CUL5: variants seen among roughly 807,000 people sequenced by gnomAD.
The protein encoded by CUL5 is cullin-5.
A neutral mutation model predicts 108.8 loss-of-function variants in CUL5; 26 were observed. That is an observed-to-expected ratio of 0.24 (90% CI 0.18 to 0.33). The LOEUF is 0.33. CUL5 is among the 10% of genes least tolerant of loss of function. The pLI is 1.00. For synonymous variants in CUL5, 334 were observed against 298.0 expected (o/e 1.12, Z -1.25); for missense variants, 524 against 909.2 (o/e 0.58, Z 5.45).
intron 2 of CUL5, among the ~76,000 whole-genome samples, chr11:108,037,937 C>G (rs1268571499): frequency 5.3e-5 from 8 of 152,160 alleles, no homozygotes; most frequent in Admixed American, 2.6e-4. Flanking sequence ...AATGCTGTAT[C>G]AATGAATTAT....
intron 18 of CUL5, among the ~76,000 whole-genome samples, chr11:108,101,846 G>A (rs1332836851): frequency 6.6e-6 from 1 of 152,060 alleles, no homozygotes; most frequent in Non-Finnish European, 1.5e-5. Flanking sequence ...TTTCCTCTGG[G>A]TTCCTGTAAT....
chr11:108,072,285 T>TA, intron 8 of CUL5, 47 bp from the exon 9 acceptor site: 1 of 1,459,486 alleles, frequency 6.9e-7, no homozygotes. Context: ...TCTAAACTCT[T>TA]ACTCTAGTAA....
intron 8 of CUL5, among the ~76,000 whole-genome samples, chr11:108,070,988 T>G (rs1863806038): frequency 6.6e-6 from 1 of 152,250 alleles, no homozygotes; most frequent in Non-Finnish European, 1.5e-5. Context: ...GTTGCACTCT[T>G]TTCAAAAGGA....
At position 108,050,040 on chromosome 11, in the gene CUL5, A is replaced by C; in HGVS notation, c.385A>C (p.Asn129His). ...TAAACAGGGCAGCAATAAAAAATCA[A>C]ATGTGGAAGACAGTATTGTTCGAAA... ...MGKQGSNKKSNVEDSIVRKLM... is the reference protein window; with the variant it reads ...MGKQGSNKKSHVEDSIVRKLM... Residue 129 changes from asparagine to histidine, a missense_variant, in exon 4 of 19, where the codon AAT becomes CAT. This residue lies in a region of CUL5 where 170 missense variants were observed against 305.1 expected (regional missense o/e 0.56). Coordinates refer to ENST00000393094, the MANE Select transcript of CUL5 (RefSeq NM_003478.6). 1 of 1,612,660 alleles carries C rather than the reference A, an allele frequency of 6.2e-7. No homozygotes were observed. The highest frequency in any genetic ancestry group is 8.5e-7 in the Non-Finnish European group (1 of 1,179,514).
chr11:108,028,126 G>A (rs1296605731), intron 1 of CUL5, among the ~76,000 whole-genome samples: 1 of 152,050 alleles, frequency 6.6e-6, no homozygotes, highest in Admixed American at 6.5e-5. Flanking sequence ...TTTCTGATAG[G>A]CCTTTTAAAT....
Position 108,095,559 on chromosome 11 carries a change from T to C in CUL5, c.1773T>C (p.Tyr591=), listed in dbSNP as rs1864470788. The part of the protein sequence containing the change: ...IITFKNEVGQ[Y]DLEVTTFQLA... ...CATTTAAGAATGAAGTTGGTCAATA[T>C]GATTTGGAGGTAACCACGTTTCAGC... Residue 591 remains tyrosine, a synonymous_variant, in exon 16 of 19, where the codon TAT becomes TAC. Transcript: ENST00000393094. 1.9e-6 allele frequency: 3 copies of C among 1,611,560 alleles called. No individual in the cohort carries two copies. The highest frequency in any genetic ancestry group is 2.5e-6 in the Non-Finnish European group (3 of 1,178,620).
chr11:108,090,763 A>G (rs1864332862), intron 13 of CUL5, among the ~76,000 whole-genome samples: 1 of 152,060 alleles, frequency 6.6e-6, no homozygotes, highest in South Asian at 2.1e-4. Flanking sequence ...CTCTCCACAT[A>G]TATATGGAGA....
chr11:108,068,631 A>G (rs1863749034), intron 7 of CUL5, among the ~76,000 whole-genome samples: 2 of 152,184 alleles, frequency 1.3e-5, no homozygotes. Context: ...CTTAATTTAC[A>G]GATAGATGAT....
intron 13 of CUL5, among the ~76,000 whole-genome samples, chr11:108,090,409 G>A (rs1460200868): frequency 6.6e-6 from 1 of 152,030 alleles, no homozygotes; most frequent in Non-Finnish European, 1.5e-5. Context: ...AGAATGGCAT[G>A]AACCCTGGGG....
chr11:108,027,452 A>G (rs573858500), intron 1 of CUL5, among the ~76,000 whole-genome samples: 2 of 152,112 alleles, frequency 1.3e-5, no homozygotes, highest in African/African-American at 2.4e-5. Flanking sequence ...TTGTATTTTC[A>G]GTAGAGACAG....
intron 1 of CUL5, among the ~76,000 whole-genome samples, chr11:108,016,992 A>T (rs899986835): frequency 6.6e-6 from 1 of 152,204 alleles, no homozygotes; most frequent in African/African-American, 2.4e-5. Context: ...ACATTGGTCA[A>T]ATCCATGGAG....
chr11:108,052,007 C>T (rs1048954173), intron 4 of CUL5, among the ~76,000 whole-genome samples: 2 of 152,110 alleles, frequency 1.3e-5, no homozygotes, highest in Non-Finnish European at 2.9e-5. Context: ...GCTGTGTTGC[C>T]CAGGCTAGAG....
chr11:108,083,870 G>A (rs1260542830), intron 11 of CUL5, among the ~76,000 whole-genome samples: 1 of 152,178 alleles, frequency 6.6e-6, no homozygotes, highest in Non-Finnish European at 1.5e-5. Flanking sequence ...TGGAGGAGGT[G>A]ATGTTCTAGA....
At chr11:108,097,881 C>A in intron 17 of CUL5, 127 bp downstream of exon 17, 1 of 565,650 alleles carries the variant, frequency 1.8e-6, no homozygotes, top group Non-Finnish European at 3.1e-6. Flanking sequence ...TCTAAACTTA[C>A]ATCATTTAGT....
intron 1 of CUL5, among the ~76,000 whole-genome samples, chr11:108,010,699 C>T (rs1862038947): frequency 6.6e-6 from 1 of 152,190 alleles, no homozygotes; most frequent in Non-Finnish European, 1.5e-5. Context: ...TATAACTACT[C>T]CCCCTCTTTC....
chr11:108,087,620 A>T (rs558651261), intron 11 of CUL5, among the ~76,000 whole-genome samples: 13 of 152,032 alleles, frequency 8.6e-5, no homozygotes, highest in Non-Finnish European at 1.9e-4. Context: ...TAATTTGTGT[A>T]TGTTTGTGTC....
At chr11:108,040,967 A>G (rs1385213341) in intron 2 of CUL5, among the ~76,000 whole-genome samples, 7 of 152,324 alleles carry the variant, frequency 4.6e-5, no homozygotes, top group South Asian at 2.1e-4. Flanking sequence ...CTGTTATCCT[A>G]TGAGACTCAA....
At chr11:108,026,056 C>G (rs1297640826) in intron 1 of CUL5, among the ~76,000 whole-genome samples, 1 of 152,198 alleles carries the variant, frequency 6.6e-6, no homozygotes, top group Non-Finnish European at 1.5e-5. Context: ...GCAGAAGTCT[C>G]TTTCTCTTTT....
At chr11:108,043,049 C>T (rs1486308313) in intron 2 of CUL5, among the ~76,000 whole-genome samples, 1 of 152,050 alleles carries the variant, frequency 6.6e-6, no homozygotes, top group Non-Finnish European at 1.5e-5. Flanking sequence ...AGGCATGAGC[C>T]GCCATGCCCG....
Sources: gnomAD v4.1 joint callset for allele counts (sites outside exome capture counted in the v4.1 genomes callset) on GRCh38, gnomAD v4.1.1 for gene constraint, gnomAD v4.1.1 regional missense constraint, MANE v1.5 for transcripts, NCBI Gene and HGNC (gene_info 2026-07-23, HGNC 2026-07-21) for gene names.